PARVA: variants seen among roughly 807,000 people sequenced by gnomAD.
PARVA encodes alpha-parvin.
PARVA carries 25 observed loss-of-function variants against 52.6 expected under a neutral mutation model. The ratio of observed to expected loss-of-function variants is 0.48; its 90% confidence interval spans 0.35 to 0.66. The LOEUF (loss-of-function observed/expected upper bound fraction) is 0.66, where lower values mean the gene tolerates loss of function less well. Among genes scored for constraint, PARVA ranks in the 30% least tolerant of loss-of-function variants. The probability of loss-of-function intolerance (pLI) is 0.01; values close to 1 mark genes in which losing one functional copy is unlikely to be tolerated. For missense variants in PARVA, 373 were observed against 450.9 expected (o/e 0.83, Z 1.56); for synonymous variants, 185 against 179.1 (o/e 1.03, Z -0.26).
rs1300242878 is a variant in PARVA, at chr11:12,528,703, G to A, written c.*778G>A. 1.3e-5 allele frequency: 2 copies of A among 152,652 alleles called. No homozygotes were observed. Among genetic ancestry groups the A allele is most frequent in the Non-Finnish European group, 2.9e-5 (2 of 68,046 alleles). 9.5% of individuals were successfully genotyped at this position (152,652 alleles called of 1,614,324 possible). On this transcript the variant is annotated 3_prime_UTR_variant, in exon 13 of 13. Coordinates refer to ENST00000334956, the MANE Select transcript of PARVA (RefSeq NM_018222.5). ...CTGGGGCAAGCTAGGTCAGAGCTTA[G>A]TGATTCACACTGAAATTGGCAAATT...
At chr11:12,440,618 T>A (rs924372820) in intron 1 of PARVA, among the ~76,000 whole-genome samples, 1 of 152,212 alleles carries the variant, frequency 6.6e-6, no homozygotes, top group Non-Finnish European at 1.5e-5. Context: ...GGCAGGGTTT[T>A]TATCTGGTGG....
intron 1 of PARVA, among the ~76,000 whole-genome samples, chr11:12,450,888 A>G (rs1037113077): frequency 1.3e-5 from 2 of 152,202 alleles, no homozygotes; most frequent in African/African-American, 4.8e-5. Flanking sequence ...CTGTGCTGGC[A>G]GCTCATTTAG....
chr11:12,427,069 GAAAAT>G (rs2134990091), intron 1 of PARVA, among the ~76,000 whole-genome samples: 1 of 152,084 alleles, frequency 6.6e-6, no homozygotes, highest in African/African-American at 2.4e-5. Context: ...GCATGAGAAA[GAAAAT>G]AAAAATATGA....
chr11:12,527,418 C>G (rs571608290), intron 12 of PARVA, among the ~76,000 whole-genome samples: 2 of 152,170 alleles, frequency 1.3e-5, no homozygotes, highest in African/African-American at 4.8e-5. Context: ...TTAATCGGAA[C>G]CTGTCTGTCC....
intron 6 of PARVA, among the ~76,000 whole-genome samples, chr11:12,505,644 A>G (rs1385672965): frequency 6.6e-6 from 1 of 152,230 alleles, no homozygotes; most frequent in Admixed American, 6.5e-5. Context: ...GCCACTGGCC[A>G]AAAGGTCCTA....
intron 1 of PARVA, among the ~76,000 whole-genome samples, chr11:12,386,368 C>A (rs1422346624): frequency 6.6e-6 from 1 of 152,166 alleles, no homozygotes; most frequent in Non-Finnish European, 1.5e-5. Context: ...TCTGGAAATA[C>A]CTTTTCCGTT....
At position 12,437,011 on chromosome 11, in the gene PARVA, G is replaced by T. The variant is rs1589956649; in HGVS notation, c.137-36734G>T. ...ATCTTTAAGTGCCCAGTTCAATGTG[G>T]TATCATCACCACCAAGGGAGAAACT... On this transcript the variant is annotated intron_variant, in intron 1 of 12. Coordinates refer to ENST00000334956, the MANE Select transcript of PARVA (RefSeq NM_018222.5). Among the ~76,000 whole-genome samples, 4 of 152,216 alleles carry T rather than the reference G, an allele frequency of 2.6e-5. No individual in the cohort carries two copies. In the South Asian group the frequency reaches 6.2e-4, roughly 24 times the overall value.
chr11:12,421,171 G>A (rs1940144074), intron 1 of PARVA, among the ~76,000 whole-genome samples: 2 of 151,992 alleles, frequency 1.3e-5, no homozygotes, highest in South Asian at 4.2e-4. Flanking sequence ...GGCAACTAAG[G>A]ATCTGACCCA....
intron 8 of PARVA, among the ~76,000 whole-genome samples, chr11:12,512,896 C>T (rs1589987184): frequency 6.6e-6 from 1 of 152,308 alleles, no homozygotes; most frequent in Non-Finnish European, 1.5e-5. Context: ...TCATGGGTCT[C>T]CTGTTTTTGA....
At chr11:12,459,572 C>G (rs1052249982) in intron 1 of PARVA, among the ~76,000 whole-genome samples, 16 of 152,066 alleles carry the variant, frequency 1.1e-4, no homozygotes, top group African/African-American at 3.1e-4. Context: ...CCCAACTGTC[C>G]CCTTCCAAAA....
chr11:12,436,378 A>G (rs1940389309), intron 1 of PARVA, among the ~76,000 whole-genome samples: 1 of 152,126 alleles, frequency 6.6e-6, no homozygotes, highest in African/African-American at 2.4e-5. Context: ...CGGAAACTAC[A>G]CACAACACAA....
upstream of PARVA, chr11:12,376,789 CTG>C (rs1335860496): frequency 3.3e-6 from 3 of 907,730 alleles, no homozygotes; most frequent in Admixed American, 6.2e-5. Flanking sequence ...CCTTCAAACA[CTG>C]TGCTTTGTAT....
intron 12 of PARVA, among the ~76,000 whole-genome samples, chr11:12,526,940 T>A (rs899541480): frequency 2.0e-5 from 3 of 151,636 alleles, no homozygotes; most frequent in African/African-American, 7.3e-5. Context: ...AATAGATGGA[T>A]GAAGGGAGGA....
intron 1 of PARVA, among the ~76,000 whole-genome samples, chr11:12,397,051 G>A (rs757796984): frequency 6.6e-6 from 1 of 150,486 alleles, no homozygotes; most frequent in Non-Finnish European, 1.5e-5. Context: ...TCTTTTTCAC[G>A]TACCTATTTG....
intron 1 of PARVA, among the ~76,000 whole-genome samples, chr11:12,409,268 A>G (rs1939958723): frequency 6.6e-6 from 1 of 152,170 alleles, no homozygotes; most frequent in Non-Finnish European, 1.5e-5. Flanking sequence ...AGAGGTAATT[A>G]TTGTTTTCAC....
At chr11:12,504,007 AAG>A (rs974908136) in intron 5 of PARVA, among the ~76,000 whole-genome samples, 1 of 152,174 alleles carries the variant, frequency 6.6e-6, no homozygotes, top group African/African-American at 2.4e-5. Flanking sequence ...AAGCAGGAGC[AAG>A]AGAGAGAGTG....
At chr11:12,429,601 T>C (rs139091323) in intron 1 of PARVA, among the ~76,000 whole-genome samples, 1 of 152,358 alleles carries the variant, frequency 6.6e-6, no homozygotes, top group Admixed American at 6.5e-5. Flanking sequence ...AACCTATGGT[T>C]AGCCATGATT....
chr11:12,483,992 G>A (rs539375650), intron 4 of PARVA, among the ~76,000 whole-genome samples: 47 of 152,332 alleles, frequency 3.1e-4, no homozygotes, highest in African/African-American at 1.1e-3. Flanking sequence ...ATTGATGGAA[G>A]AAAGAGCCTT....
In PARVA at chr11:12,527,939, GC is replaced by G. The variant is rs1204843046; in HGVS notation, c.*17del. Reference sequence around the variant, plus strand: ...AACGTGGAGTGAGGGGCTGCCCTGGGCCCACCACTGCCCAAGAGTTCTTGCT... The same window carrying G: ...AACGTGGAGTGAGGGGCTGCCCTGGGCCACCACTGCCCAAGAGTTCTTGCT... On this transcript the variant is annotated 3_prime_UTR_variant, in exon 13 of 13. Transcript: ENST00000334956. 4 of 1,586,134 alleles carry G rather than the reference GC, an allele frequency of 2.5e-6. No individual in the cohort carries two copies. The South Asian group carries it at 4.4e-5, about 18-fold the overall frequency.
Sources: gnomAD v4.1 joint callset for allele counts (sites outside exome capture counted in the v4.1 genomes callset) on GRCh38, gnomAD v4.1.1 for gene constraint, MANE v1.5 for transcripts, NCBI Gene and HGNC (gene_info 2026-07-23, HGNC 2026-07-21) for gene names.